The following RMC1 variants were observed in gnomAD, a reference collection of about 807,000 sequenced individuals.
The protein encoded by RMC1 is regulator of MON1-CCZ1 complex.
In RMC1, 44 loss-of-function variants were observed where a neutral mutation model predicts 95.5. That is an observed-to-expected ratio of 0.46 (90% CI 0.36 to 0.59). RMC1 has a LOEUF of 0.59. RMC1 is among the 20% of genes least tolerant of loss of function. The pLI, the probability that RMC1 is intolerant of heterozygous loss-of-function variation, is 0.00. For missense variants in RMC1, 705 were observed against 819.6 expected (o/e 0.86, Z 1.71); for synonymous variants, 320 against 303.6 (o/e 1.05, Z -0.56).
At chr18:23,518,423 G>A (rs538306801) in intron 7 of RMC1, among the ~76,000 whole-genome samples, 44 of 152,278 alleles carry the variant, frequency 2.9e-4, no homozygotes, top group African/African-American at 1.0e-3. Flanking sequence ...AAGCCTAGGA[G>A]GTGGAGGTTG....
At chr18:23,513,047 G>A (rs2057905326) in intron 5 of RMC1, among the ~76,000 whole-genome samples, 1 of 152,008 alleles carries the variant, frequency 6.6e-6, no homozygotes, top group Non-Finnish European at 1.5e-5. Context: ...TCTGTCTCCT[G>A]GGTTCAGGCG....
chr18:23,507,949 C>G (rs1205612147), intron 3 of RMC1, 36 bp from the exon 4 acceptor site: 13 of 1,600,102 alleles, frequency 8.1e-6, no homozygotes, highest in Non-Finnish European at 9.4e-6. Context: ...GCTGCCTAAT[C>G]CAAATTTGTG....
At chr18:23,525,197 C>T (rs1420656149) in intron 12 of RMC1, among the ~76,000 whole-genome samples, 8 of 151,982 alleles carry the variant, frequency 5.3e-5, no homozygotes, top group East Asian at 3.9e-4. Flanking sequence ...CCGCCTGCCT[C>T]GGCCTCCCAA....
chr18:23,529,486 G>T, intron 15 of RMC1, 149 bp from the exon 16 acceptor site: 3 of 1,249,720 alleles, frequency 2.4e-6, no homozygotes, highest in Non-Finnish European at 3.4e-6. Flanking sequence ...TTGTTGACGG[G>T]TGGTTCTGGA....
At chr18:23,529,833 G>C in intron 16 of RMC1, 121 bp downstream of exon 16, 1 of 1,119,164 alleles carries the variant, frequency 8.9e-7, no homozygotes, top group East Asian at 2.3e-5. Context: ...TCAGAATGCT[G>C]AGTGACTCCT....
At chr18:23,526,806 G>A (rs1184592491) in intron 13 of RMC1, 41 bp downstream of exon 13, 1 of 1,605,134 alleles carries the variant, frequency 6.2e-7, no homozygotes, top group South Asian at 1.1e-5. Flanking sequence ...TCCAGTGTGA[G>A]GCCTGTGCTG....
Position 23,503,615 on chromosome 18 carries a change from C to T in RMC1, c.-4C>T, listed in dbSNP as rs756842684. ...GGGCCCCCGCCGCGGGCGCGGCGCC[C>T]GCCATGGGCGAGGAGGACTACTATC... is the stretch of plus-strand genomic sequence containing the variant. On this transcript the variant is annotated 5_prime_UTR_variant, in exon 1 of 20. Coordinates refer to ENST00000269221, the MANE Select transcript of RMC1 (RefSeq NM_013326.5). 1.3e-6 allele frequency: 2 copies of T among 1,550,986 alleles called. No individual in the cohort carries two copies. The highest frequency in any genetic ancestry group is 8.7e-7 in the Non-Finnish European group (1 of 1,149,278).
At chr18:23,510,468 C>T (rs926674415) in intron 5 of RMC1, among the ~76,000 whole-genome samples, 8 of 151,952 alleles carry the variant, frequency 5.3e-5, no homozygotes, top group South Asian at 2.1e-4. Flanking sequence ...GCCAACATGA[C>T]GAAACCCTGT....
chr18:23,511,797 A>G lies in RMC1; in HGVS notation c.408+2518A>G, dbSNP rs1465379893. ...GCTGGTTTTCCATTTTTTTGTGATT[A>G]CAAATAACCCTTCAGTAACATGCTT... On this transcript the variant is annotated intron_variant, in intron 5 of 19. Transcript: ENST00000269221. Among the ~76,000 whole-genome samples the G allele has an allele frequency of 9.2e-5, 14 of 152,102 alleles. No individual in the cohort carries two copies. In the East Asian group the frequency reaches 2.7e-3, roughly 29 times the overall value.
rs1045023481 is a variant in RMC1 at position 23,503,544 on chromosome 18, G to A, written c.-75G>A. Reference sequence around the variant, plus strand: ...AGCCGCAGCCGCCGCTACAGTCCGGGCCGGGCTCCACCGCGCATCCTGCTC... The same window carrying A: ...AGCCGCAGCCGCCGCTACAGTCCGGACCGGGCTCCACCGCGCATCCTGCTC... On this transcript the variant is annotated 5_prime_UTR_variant, in exon 1 of 20. Coordinates refer to ENST00000269221, the MANE Select transcript of RMC1 (RefSeq NM_013326.5). 6 of 1,106,122 alleles carry A rather than the reference G, an allele frequency of 5.4e-6. No individual in the cohort carries two copies. The Admixed American group carries it at 1.4e-4, about 27-fold the overall frequency. 68.5% of individuals were successfully genotyped at this position (1,106,122 alleles called of 1,614,324 possible).
intron 2 of RMC1, chr18:23,506,616 A>G (rs2057723595): frequency 7.9e-6 from 2 of 251,682 alleles, no homozygotes; most frequent in South Asian, 8.4e-5. Context: ...GAGATGCACA[A>G]GTAGATAGTT....
In RMC1 at chr18:23,513,281, T is replaced by A. The variant is rs559293692; in HGVS notation, c.409-2575T>A. ...ATTTGATTACCTTTTATACTTCATA[T>A]AAGTGAAATTATACAGTATTTGTCC... On this transcript the variant is annotated intron_variant, in intron 5 of 19. Transcript: ENST00000269221. 3.5e-4 allele frequency among the ~76,000 whole-genome samples: 54 copies of A among 152,376 alleles called. No individual in the cohort carries two copies. The South Asian group carries it at 8.7e-3, about 25-fold the overall frequency.
chr18:23,511,500 T>A (rs2057856464), intron 5 of RMC1, among the ~76,000 whole-genome samples: 1 of 152,208 alleles, frequency 6.6e-6, no homozygotes, highest in South Asian at 2.1e-4. Context: ...ATTCAAACAT[T>A]GCAAGATATG....
Position 23,530,033 on chromosome 18 carries a change from C to T in RMC1, c.1500C>T (p.Tyr500=), listed in dbSNP as rs34136453. ...CTTTTTACTTTTGTCCTCAGCATTACCTACATGAACTTGTTATCAAAACCC... is the reference window on the plus strand; with the variant it reads ...CTTTTTACTTTTGTCCTCAGCATTATCTACATGAACTTGTTATCAAAACCC... ...LNQFQIAVQH[Y]LHELVIKTLV... is the part of the protein sequence containing the mutation. Residue 500 remains tyrosine (Y), a synonymous_variant, in exon 17 of 20, where the codon TAC becomes TAT. Transcript: ENST00000269221. The T allele has an allele frequency of 6.5e-3, 10,444 of 1,613,348 alleles. 63 individuals are homozygous for T. Among genetic ancestry groups the T allele is most frequent in the Middle Eastern group, 0.024 (146 of 6,060 alleles).
intron 3 of RMC1, among the ~76,000 whole-genome samples, chr18:23,507,299 GC>G (rs779636862): frequency 1.4e-4 from 22 of 152,042 alleles, no homozygotes; most frequent in Non-Finnish European, 2.2e-4. Flanking sequence ...TTCCTTTGTT[GC>G]CCAGGCTGGA....
Position 23,530,086 on chromosome 18 carries a change from T to C in RMC1, c.1553T>C (p.Leu518Pro). 6.2e-7 allele frequency: 1 copy of C among 1,614,270 alleles called. No individual in the cohort carries two copies. The highest frequency in any genetic ancestry group is 8.5e-7 in the Non-Finnish European group (1 of 1,180,056). ...TLVQHNLFYM[L>P]HQFLQYHVLS... Reference sequence around the variant, plus strand: ...GTCCAGCACAACCTCTTTTATATGCTGCATCAGTTCCTGCAGTACCACGTC... The same window carrying C: ...GTCCAGCACAACCTCTTTTATATGCCGCATCAGTTCCTGCAGTACCACGTC... The change falls in exon 17 of 20, where the codon CTG (leucine) becomes CCG (proline). Residue 518 changes from leucine (L) to proline (P), a missense_variant. Leu to Pro is a moderately conservative substitution (Grantham distance 98). Coordinates refer to ENST00000269221, the MANE Select transcript of RMC1 (RefSeq NM_013326.5).
chr18:23,505,763 C>T (rs923306612), intron 2 of RMC1, among the ~76,000 whole-genome samples: 5 of 152,026 alleles, frequency 3.3e-5, no homozygotes, highest in African/African-American at 7.3e-5. Flanking sequence ...ATGGGTCTCT[C>T]GTAAGACCCG....
At chr18:23,504,884 A>T (rs1401351491) in intron 2 of RMC1, among the ~76,000 whole-genome samples, 1 of 152,166 alleles carries the variant, frequency 6.6e-6, no homozygotes, top group Non-Finnish European at 1.5e-5. Context: ...CCCAGTTCGC[A>T]CTGTTGAACA....
chr18:23,529,841 C>A, intron 16 of RMC1, 129 bp downstream of exon 16: 1 of 1,080,524 alleles, frequency 9.3e-7, no homozygotes, highest in Non-Finnish European at 1.4e-6. Context: ...CTGAGTGACT[C>A]CTGACATTAT....
Sources: allele counts gnomAD v4.1 joint callset (sites outside exome capture counted in the v4.1 genomes callset), GRCh38; gene constraint gnomAD v4.1.1; transcripts MANE v1.5; gene names NCBI Gene and HGNC (gene_info 2026-07-23, HGNC 2026-07-21).